The following PCYT1A variants were observed in gnomAD, a reference collection of about 807,000 sequenced individuals.
PCYT1A encodes the protein phosphate cytidylyltransferase 1A, choline.
A neutral mutation model predicts 43.7 loss-of-function variants in PCYT1A; 25 were observed. The observed-to-expected ratio is 0.57, with a 90% CI of 0.42 to 0.80. The LOEUF is 0.80. PCYT1A is among the 30% of genes least tolerant of loss of function. PCYT1A has a pLI of 0.00. For missense variants in PCYT1A, 421 were observed against 474.2 expected (o/e 0.89, Z 1.04); for synonymous variants, 172 against 170.7 (o/e 1.01, Z -0.06).
At chr3:196,283,809 A>G (rs1725832590) in intron 1 of PCYT1A, among the ~76,000 whole-genome samples, 1 of 152,224 alleles carries the variant, frequency 6.6e-6, no homozygotes, top group Non-Finnish European at 1.5e-5. Flanking sequence ...AGGGTTGACA[A>G]GGCCTAAAGT....
intron 2 of PCYT1A, among the ~76,000 whole-genome samples, chr3:196,258,876 C>T (rs1195719543): frequency 1.3e-5 from 2 of 152,146 alleles, no homozygotes; most frequent in African/African-American, 4.8e-5. Context: ...CGTGAGCCAC[C>T]GTGCCCAGCC....
rs1328823281 is a variant in PCYT1A, at chr3:196,282,066, G to A, written c.-11+5549C>T. ...GATTAGTTCTAAACTAAAGTTCAAC[G>A]TTACTTGTCATGAGCCCTATAAACT... On this transcript the variant is annotated intron_variant, in intron 1 of 8. Coordinates refer to ENST00000431016, the MANE Select transcript of PCYT1A (RefSeq NM_001312673.2). This position sits in a 1 kb window ranked among gnomAD's most constrained non-coding sequence, Gnocchi z 4.3. 2.6e-5 allele frequency among the ~76,000 whole-genome samples: 4 copies of A among 152,132 alleles called. No individual in the cohort carries two copies. The highest frequency in any genetic ancestry group is 5.9e-5 in the Non-Finnish European group (4 of 68,026).
In PCYT1A at chr3:196,277,148, T is replaced by TA. The variant is rs1442637192; in HGVS notation, c.-10-6608dup. ...GGGAGGCTGAGGCAGGAGAATTGCT[T>TA]AAACCCAGGAGGCAGAGGTTGCAGT... On this transcript the variant is annotated intron_variant, in intron 1 of 8. Coordinates refer to ENST00000431016, the MANE Select transcript of PCYT1A (RefSeq NM_001312673.2). This position sits in a 1 kb window ranked among gnomAD's most constrained non-coding sequence, Gnocchi z 4.1. Among the ~76,000 whole-genome samples the TA allele has an allele frequency of 6.6e-6, 1 of 151,962 alleles. No individual in the cohort carries two copies. Among genetic ancestry groups the TA allele is most frequent in the Admixed American group, 6.6e-5 (1 of 15,228 alleles).
intron 2 of PCYT1A, 42 bp downstream of exon 2, chr3:196,270,373 A>G: frequency 8.7e-7 from 1 of 1,153,246 alleles, no homozygotes; most frequent in Non-Finnish European, 1.3e-6. Context: ...TCAATGTCAT[A>G]TCGGTTTCTA....
intron 2 of PCYT1A, among the ~76,000 whole-genome samples, chr3:196,266,892 C>T (rs1368525210): frequency 1.3e-5 from 2 of 151,758 alleles, no homozygotes. Flanking sequence ...AAAAAATTGC[C>T]GGGCACGGTG....
chr3:196,260,737 G>A (rs1482906055), intron 2 of PCYT1A, among the ~76,000 whole-genome samples: 1 of 152,182 alleles, frequency 6.6e-6, no homozygotes, highest in Non-Finnish European at 1.5e-5. Flanking sequence ...AGCTACTTGG[G>A]AGGCTGAGGC....
intron 1 of PCYT1A, among the ~76,000 whole-genome samples, chr3:196,286,712 A>G (rs368611865): frequency 2.5e-3 from 378 of 152,280 alleles, no homozygotes; most frequent in African/African-American, 8.7e-3. Context: ...TCAGCAGTTC[A>G]AGACCAGCCT....
intron 2 of PCYT1A, among the ~76,000 whole-genome samples, chr3:196,259,064 C>T (rs966571374): frequency 3.9e-5 from 6 of 152,162 alleles, no homozygotes; most frequent in Non-Finnish European, 7.3e-5. Flanking sequence ...GTCACCGAGG[C>T]TAGAGTGCAG....
At chr3:196,259,811 C>T (rs1300458902) in intron 2 of PCYT1A, among the ~76,000 whole-genome samples, 1 of 145,578 alleles carries the variant, frequency 6.9e-6, no homozygotes, top group Non-Finnish European at 1.5e-5. Flanking sequence ...CCCCACTGCA[C>T]TCCAGCCTGG....
chr3:196,262,414 G>A (rs115351174), intron 2 of PCYT1A, among the ~76,000 whole-genome samples: 2 of 152,312 alleles, frequency 1.3e-5, no homozygotes, highest in South Asian at 2.1e-4. Flanking sequence ...GTAGGCACTC[G>A]ACGAATTTGT....
At chr3:196,265,280 C>CTCG (rs1449475259) in intron 2 of PCYT1A, among the ~76,000 whole-genome samples, 45 of 151,890 alleles carry the variant, frequency 3.0e-4, no homozygotes, top group African/African-American at 1.0e-3. Flanking sequence ...GTTGGCCAGG[C>CTCG]TGGTCTCAAA....
chr3:196,244,798 C>G (rs1724505119), intron 5 of PCYT1A, among the ~76,000 whole-genome samples: 1 of 152,154 alleles, frequency 6.6e-6, no homozygotes, highest in Non-Finnish European at 1.5e-5. Context: ...TACCCCCAAC[C>G]CTGTGCTCTC....
At chr3:196,281,435 C>T (rs1374277140) in intron 1 of PCYT1A, among the ~76,000 whole-genome samples, 1 of 152,202 alleles carries the variant, frequency 6.6e-6, no homozygotes, top group African/African-American at 2.4e-5. Flanking sequence ...CAGCAAACTA[C>T]AGCTAGCTGG....
chr3:196,256,218 G>A (rs749127434), intron 3 of PCYT1A, among the ~76,000 whole-genome samples: 11 of 152,154 alleles, frequency 7.2e-5, no homozygotes, highest in Admixed American at 6.5e-5. Context: ...ATTGGCCGGC[G>A]CGGTGGCTCA....
chr3:196,244,544 G>A lies in PCYT1A; in HGVS notation c.487-1904C>T, dbSNP rs535294125. 2.2e-4 allele frequency among the ~76,000 whole-genome samples: 34 copies of A among 151,632 alleles called. No individual in the cohort carries two copies. The South Asian group carries it at 6.5e-3, about 29-fold the overall frequency. ...GCGCCTCTGCCCGGCCGCCCCTACT[G>A]GGAGGTGAGGAGCCCCTCTGCCCGG... is the stretch of plus-strand genomic sequence containing the variant. On this transcript the variant is annotated intron_variant, in intron 5 of 8. Coordinates refer to ENST00000431016, the MANE Select transcript of PCYT1A (RefSeq NM_001312673.2).
At chr3:196,280,844 T>C (rs1725749618) in intron 1 of PCYT1A, among the ~76,000 whole-genome samples, 4 of 152,190 alleles carry the variant, frequency 2.6e-5, no homozygotes, top group Admixed American at 2.6e-4. Context: ...ACTCACCTAT[T>C]TTCTGACCGT....
At chr3:196,243,570 C>T (rs2108763487) in intron 5 of PCYT1A, among the ~76,000 whole-genome samples, 1 of 152,196 alleles carries the variant, frequency 6.6e-6, no homozygotes, top group East Asian at 1.9e-4. Flanking sequence ...TCTATGGTCT[C>T]CCTCTGATGC....
intron 1 of PCYT1A, among the ~76,000 whole-genome samples, chr3:196,279,040 C>T (rs1725674852): frequency 6.9e-6 from 1 of 144,692 alleles, no homozygotes; most frequent in African/African-American, 2.6e-5. Flanking sequence ...GTAATCCCAA[C>T]ACTTTGAGAG....
intron 2 of PCYT1A, among the ~76,000 whole-genome samples, chr3:196,267,659 G>T (rs1156461052): frequency 6.6e-6 from 1 of 151,916 alleles, no homozygotes; most frequent in Non-Finnish European, 1.5e-5. Flanking sequence ...TGAGGCTGCA[G>T]TGAACTATGA....
Sources: allele counts gnomAD v4.1 joint callset (sites outside exome capture counted in the v4.1 genomes callset), GRCh38; gene constraint gnomAD v4.1.1; non-coding constraint Gnocchi (gnomAD v3.1); transcripts MANE v1.5; gene names NCBI Gene and HGNC (gene_info 2026-07-23, HGNC 2026-07-21).